Variants in GALNT13 observed in about 807,000 individuals in gnomAD.
GALNT13 encodes the protein UDP-GalNAc:polypeptide N-acetylgalactosaminyltransferase 13.
Under a neutral mutation model 64.2 loss-of-function variants are expected in GALNT13, and 28 were observed. The observed-to-expected ratio is 0.44, with a 90% CI of 0.32 to 0.60. The LOEUF (loss-of-function observed/expected upper bound fraction) is 0.60. Among genes scored for constraint, GALNT13 ranks in the 20% least tolerant of loss-of-function variants. GALNT13 has a pLI of 0.05. For synonymous variants in GALNT13, 214 were observed against 224.6 expected, an observed-to-expected ratio of 0.95 and a Z score of 0.42; for missense variants, 577 against 669.8, an observed-to-expected ratio of 0.86 and a Z score of 1.53.
At chr2:154,014,575 C>CT (rs1262395168) in intron 3 of GALNT13, among the ~76,000 whole-genome samples, 3 of 58,564 alleles carry the variant, frequency 5.1e-5, no homozygotes, top group Non-Finnish European at 7.3e-5. Flanking sequence ...GCTCTTTCCT[C>CT]TGTTTTTTTT....
intron 3 of GALNT13, among the ~76,000 whole-genome samples, chr2:154,115,507 G>C (rs1473747708): frequency 6.6e-6 from 1 of 151,826 alleles, no homozygotes; most frequent in African/African-American, 2.4e-5. Flanking sequence ...TGCAACTTCT[G>C]CCTCCCAGGT....
the GALNT13 span, among the ~76,000 whole-genome samples, chr2:153,374,496 G>A: frequency 1.3e-5 from 2 of 151,926 alleles, no homozygotes; most frequent in African/African-American, 4.8e-5. Flanking sequence ...TCAGATTTGT[G>A]CCTTGAAAAT....
the GALNT13 span, among the ~76,000 whole-genome samples, chr2:153,149,970 C>G: frequency 8.6e-5 from 13 of 151,716 alleles, no homozygotes; most frequent in Non-Finnish European, 1.5e-4. Flanking sequence ...AGACAACTTT[C>G]AGTGGTTCAG....
intron 3 of GALNT13, among the ~76,000 whole-genome samples, chr2:153,974,842 A>G (rs1206042514): frequency 6.6e-6 from 1 of 152,038 alleles, no homozygotes; most frequent in Non-Finnish European, 1.5e-5. Flanking sequence ...AGTCATGTGT[A>G]AGGAAAAGAA....
the GALNT13 span, among the ~76,000 whole-genome samples, chr2:153,283,858 C>T: frequency 2.6e-5 from 4 of 152,172 alleles, no homozygotes; most frequent in African/African-American, 9.6e-5. Context: ...AGCAGGATAT[C>T]TGCACAGGCA....
chr2:153,555,255 C>T, the GALNT13 span, among the ~76,000 whole-genome samples: 2 of 93,524 alleles, frequency 2.1e-5, no homozygotes, highest in Admixed American at 1.1e-4. Flanking sequence ...AGTGCAGTGG[C>T]GCGATCTCGG....
At chr2:153,138,801 G>A in the GALNT13 span, among the ~76,000 whole-genome samples, 1 of 151,982 alleles carries the variant, frequency 6.6e-6, no homozygotes, top group Non-Finnish European at 1.5e-5. Flanking sequence ...TTGACTACTG[G>A]CAAGTGGTTC....
At chr2:154,311,946 T>C (rs1324932762) in intron 9 of GALNT13, among the ~76,000 whole-genome samples, 1 of 152,226 alleles carries the variant, frequency 6.6e-6, no homozygotes, top group Admixed American at 6.5e-5. Context: ...CCCTGAACAA[T>C]TGCTGTTATC....
At chr2:153,903,446 C>T (rs916099871) in intron 2 of GALNT13, among the ~76,000 whole-genome samples, 1 of 151,940 alleles carries the variant, frequency 6.6e-6, no homozygotes, top group Non-Finnish European at 1.5e-5. Context: ...TTTGCATCAA[C>T]CTAATATACT....
the GALNT13 span, among the ~76,000 whole-genome samples, chr2:153,214,246 C>T: frequency 6.6e-6 from 1 of 152,042 alleles, no homozygotes; most frequent in Non-Finnish European, 1.5e-5. Flanking sequence ...ATGGTAGACT[C>T]AAAGGAAAAA....
intron 9 of GALNT13, among the ~76,000 whole-genome samples, chr2:154,359,040 C>T (rs538763780): frequency 3.3e-5 from 5 of 152,210 alleles, no homozygotes; most frequent in Admixed American, 2.6e-4. Context: ...CTTATCTGTC[C>T]TGCTGTTTGC....
At chr2:154,064,082 G>C (rs72868489) in intron 3 of GALNT13, among the ~76,000 whole-genome samples, 28,377 of 152,118 alleles carry the variant, frequency 0.19, 3,369 homozygotes, top group Non-Finnish European at 0.26. Flanking sequence ...GGATGGAGAG[G>C]CCAGTGATTA....
At chr2:153,659,018 A>G in the GALNT13 span, among the ~76,000 whole-genome samples, 5 of 152,198 alleles carry the variant, frequency 3.3e-5, no homozygotes, top group East Asian at 7.7e-4. Context: ...AACATACACT[A>G]TTTGTTTCTA....
At chr2:153,427,070 C>G in the GALNT13 span, among the ~76,000 whole-genome samples, 1 of 151,832 alleles carries the variant, frequency 6.6e-6, no homozygotes, top group African/African-American at 2.4e-5. Flanking sequence ...TTTCCTAGAA[C>G]ACCAGGAAAA....
At chr2:153,704,573 C>A in the GALNT13 span, among the ~76,000 whole-genome samples, 3 of 152,060 alleles carry the variant, frequency 2.0e-5, no homozygotes, top group Non-Finnish European at 4.4e-5. Flanking sequence ...GAGCTTATTG[C>A]CATTATAATG....
the GALNT13 span, among the ~76,000 whole-genome samples, chr2:153,309,823 G>A: frequency 6.6e-6 from 1 of 152,028 alleles, no homozygotes; most frequent in Non-Finnish European, 1.5e-5. Context: ...AAATACCTAG[G>A]CAGTAAAACA....
the GALNT13 span, among the ~76,000 whole-genome samples, chr2:153,416,532 G>A: frequency 6.6e-6 from 1 of 152,122 alleles, no homozygotes; most frequent in Non-Finnish European, 1.5e-5. Flanking sequence ...TGTTCTTGCT[G>A]TTTTGTATGT....
At chr2:154,385,659 T>C (rs996129666) in intron 9 of GALNT13, among the ~76,000 whole-genome samples, 1 of 152,060 alleles carries the variant, frequency 6.6e-6, no homozygotes, top group African/African-American at 2.4e-5. Context: ...AAGTGCTTAC[T>C]ATGTAGTCGG....
intron 9 of GALNT13, among the ~76,000 whole-genome samples, chr2:154,348,997 C>G (rs1478249138): frequency 6.6e-6 from 1 of 152,162 alleles, no homozygotes; most frequent in South Asian, 2.1e-4. Flanking sequence ...ACATTTGTTG[C>G]AGGTTCACTA....
Sources: gnomAD v4.1 joint callset for allele counts (sites outside exome capture counted in the v4.1 genomes callset) on GRCh38, gnomAD v4.1.1 for gene constraint, MANE v1.5 for transcripts, NCBI Gene and HGNC (gene_info 2026-07-23, HGNC 2026-07-21) for gene names.